Variants in ZKSCAN2 observed in about 807,000 individuals in gnomAD.
ZKSCAN2 encodes zinc finger with KRAB and SCAN domains 2.
ZKSCAN2 carries 38 observed loss-of-function variants against 90.5 expected under a neutral mutation model. That is an observed-to-expected ratio of 0.42 (90% confidence interval 0.32 to 0.55). The LOEUF is 0.55. ZKSCAN2 is among the 20% of genes least tolerant of loss of function. The pLI, the probability that ZKSCAN2 is intolerant of heterozygous loss-of-function variation, is 0.11. For missense variants in ZKSCAN2, 1,167 were observed against 1,202.6 expected, an observed-to-expected ratio of 0.97 and a Z score of 0.44; for synonymous variants, 429 against 421.6, an observed-to-expected ratio of 1.02 and a Z score of -0.22.
intron 4 of ZKSCAN2, among the ~76,000 whole-genome samples, chr16:25,249,305 T>G (rs1307303489): frequency 6.6e-6 from 1 of 152,194 alleles, no homozygotes; most frequent in Non-Finnish European, 1.5e-5. Context: ...GAGTAGATTT[T>G]CTTTTATTTT....
chr16:25,240,000 C>T lies in ZKSCAN2; in HGVS notation c.2720G>A (p.Arg907Lys). The change falls in exon 7 of 7, where the codon AGA becomes AAA. Residue 907 changes from arginine (R) to lysine (K), a missense_variant. By Grantham distance (26) the Arg-to-Lys change is conservative. Transcript: ENST00000328086. ...ATAGGGCTTCTCTCCAGTGTGTATTCTCCGATGTTCTCGAAATCTCGTACA... is the reference window on the plus strand; with the variant it reads ...ATAGGGCTTCTCTCCAGTGTGTATTTTCCGATGTTCTCGAAATCTCGTACA... ...NNCTRFREHR[R>K]IHTGEKPYGC... 6.2e-7 allele frequency: 1 copy of T among 1,614,002 alleles called. No homozygotes were observed.
At chr16:25,255,447 G>A (rs1441762306) in intron 1 of ZKSCAN2, 55 bp from the exon 2 acceptor site, 16 of 1,534,014 alleles carry the variant, frequency 1.0e-5, no homozygotes, top group East Asian at 9.2e-5. Flanking sequence ...ATATCAGGGC[G>A]AAATTCTCCC....
chr16:25,249,706 A>G (rs935706248), intron 4 of ZKSCAN2, among the ~76,000 whole-genome samples: 2 of 152,248 alleles, frequency 1.3e-5, no homozygotes, highest in African/African-American at 2.4e-5. Context: ...GACAAATGAT[A>G]ACAAGGTTGT....
At chr16:25,255,561 G>C (rs1963088500) in intron 1 of ZKSCAN2, among the ~76,000 whole-genome samples, 169 bp from the exon 2 acceptor site, 1 of 152,238 alleles carries the variant, frequency 6.6e-6, no homozygotes, top group South Asian at 2.1e-4. Flanking sequence ...CTGTCCAGCA[G>C]TCTGGGTGTA....
At chr16:25,250,935 T>C (rs2141367969) in intron 4 of ZKSCAN2, among the ~76,000 whole-genome samples, 1 of 152,270 alleles carries the variant, frequency 6.6e-6, no homozygotes, top group East Asian at 1.9e-4. Flanking sequence ...TTTGTATTTT[T>C]AGTACAGATG....
At chr16:25,250,071 G>A (rs1962997570) in intron 4 of ZKSCAN2, among the ~76,000 whole-genome samples, 1 of 152,210 alleles carries the variant, frequency 6.6e-6, no homozygotes, top group African/African-American at 2.4e-5. Flanking sequence ...AGCACTTTGG[G>A]AGGCCAAGGT....
rs1361781658 is a variant in ZKSCAN2, at chr16:25,238,413, A to G, written c.*1403T>C. ...ATGGAAAATCAAATCTCTGGGTTTC[A>G]TCTGTAACTTCAAAAGTCAATTAAC... On this transcript the variant is annotated 3_prime_UTR_variant, in exon 7 of 7. Coordinates refer to ENST00000328086, the MANE Select transcript of ZKSCAN2 (RefSeq NM_001012981.5). The G allele has an allele frequency of 1.3e-5, 2 of 152,236 alleles. No individual in the cohort carries two copies. The highest frequency in any genetic ancestry group is 4.8e-5 in the African/African-American group (2 of 41,444). 9.4% of individuals were successfully genotyped at this position (152,236 alleles called of 1,614,324 possible).
In ZKSCAN2 at chr16:25,247,323, A is replaced by T; in HGVS notation, c.873T>A (p.Gly291=). The T allele has an allele frequency of 6.2e-7, 1 of 1,613,784 alleles. No individual in the cohort carries two copies. The highest frequency in any genetic ancestry group is 8.5e-7 in the Non-Finnish European group (1 of 1,179,992). ...TACTTCTCTTGTTAGAGGAATGCAGACCTAGAGTCCATGGCTCCTTTCTCT... is the reference window on the plus strand; with the variant it reads ...TACTTCTCTTGTTAGAGGAATGCAGTCCTAGAGTCCATGGCTCCTTTCTCT... The part of the protein sequence containing the change: ...LEQRKEPWTL[G]LHSSNKRSIL... The change falls in exon 5 of 7, where the codon GGT becomes GGA. Residue 291 remains glycine (G), a synonymous_variant. Transcript: ENST00000328086.
At position 25,243,890 on chromosome 16, in the gene ZKSCAN2, G is replaced by A. The variant is rs370948693; in HGVS notation, c.1876C>T (p.Gln626Ter). Residue 626 changes from glutamine to a stop codon, truncating the protein, a stop_gained, in exon 6 of 7, where the codon CAG becomes TAG. Coordinates refer to ENST00000328086, the MANE Select transcript of ZKSCAN2 (RefSeq NM_001012981.5). LOFTEE classifies it high-confidence loss of function. ...PTGWEPEETS[Q>*]EAVIEDSCSE... is the part of the protein sequence containing the mutation. ...CAAGAGTCTTCTATTACTGCCTCCT[G>A]TGAGGTCTCTTCAGGTTCCCAGCCT... The A allele has an allele frequency of 5.6e-6, 9 of 1,613,906 alleles. No individual in the cohort carries two copies. Among genetic ancestry groups the A allele is most frequent in the African/African-American group, 5.3e-5 (4 of 74,830 alleles).
chr16:25,242,685 TA>T (rs1458744524), intron 6 of ZKSCAN2, among the ~76,000 whole-genome samples: 1 of 152,182 alleles, frequency 6.6e-6, no homozygotes, highest in African/African-American at 2.4e-5. Flanking sequence ...ATGTAGGAAA[TA>T]GCCAGTAGTT....
In ZKSCAN2 at chr16:25,257,581, T is replaced by A; in HGVS notation, c.-454A>T. The A allele has an allele frequency of 1.1e-6, 1 of 922,824 alleles. No homozygotes were observed. 57.2% of individuals were successfully genotyped at this position (922,824 alleles called of 1,614,324 possible). ...GTGCAGGCCCCGCCCGGCGCCAGGT[T>A]CCGGGCTCGGGTCACCGCAGCACGT... On this transcript the variant is annotated 5_prime_UTR_variant, in exon 1 of 7. Transcript: ENST00000328086.
chr16:25,257,581 T>G lies in ZKSCAN2; in HGVS notation c.-454A>C. The G allele has an allele frequency of 1.1e-6, 1 of 922,822 alleles. No homozygotes were observed. The highest frequency in any genetic ancestry group is 1.3e-6 in the Non-Finnish European group (1 of 772,820). 57.2% of individuals were successfully genotyped at this position (922,822 alleles called of 1,614,324 possible). On this transcript the variant is annotated 5_prime_UTR_variant, in exon 1 of 7. Transcript: ENST00000328086. Reference sequence around the variant, plus strand: ...GTGCAGGCCCCGCCCGGCGCCAGGTTCCGGGCTCGGGTCACCGCAGCACGT... The same window carrying G: ...GTGCAGGCCCCGCCCGGCGCCAGGTGCCGGGCTCGGGTCACCGCAGCACGT...
At chr16:25,249,159 A>T (rs1962981407) in intron 4 of ZKSCAN2, among the ~76,000 whole-genome samples, 1 of 152,220 alleles carries the variant, frequency 6.6e-6, no homozygotes, top group Non-Finnish European at 1.5e-5. Context: ...GGGAAAGTGG[A>T]GATTTGATCA....
At chr16:25,245,172 A>G (rs1306790494) in intron 5 of ZKSCAN2, among the ~76,000 whole-genome samples, 2 of 152,166 alleles carry the variant, frequency 1.3e-5, no homozygotes, top group Non-Finnish European at 2.9e-5. Context: ...TGGCACAATC[A>G]TGGCTCACTG....
intron 1 of ZKSCAN2, among the ~76,000 whole-genome samples, chr16:25,255,741 C>T (rs1338613325): frequency 6.6e-6 from 1 of 152,186 alleles, no homozygotes; most frequent in Admixed American, 6.5e-5. Context: ...ACCAACACAA[C>T]CGGCTAATTT....
intron 2 of ZKSCAN2, among the ~76,000 whole-genome samples, chr16:25,254,659 C>T (rs1963069352): frequency 6.6e-6 from 1 of 152,142 alleles, no homozygotes; most frequent in Non-Finnish European, 1.5e-5. Flanking sequence ...GAACTCCTGG[C>T]TTCAAGAGAT....
At chr16:25,255,064 C>T (rs2096649813) in intron 2 of ZKSCAN2, 142 bp downstream of exon 2, 3 of 806,186 alleles carry the variant, frequency 3.7e-6, no homozygotes, top group Admixed American at 7.8e-5. Flanking sequence ...GCACATGTTC[C>T]TAATTCTTGA....
At position 25,257,367 on chromosome 16, in the gene ZKSCAN2, C is replaced by G. The variant is rs951294849; in HGVS notation, c.-240G>C. 111 of 1,255,578 alleles carry G rather than the reference C, an allele frequency of 8.8e-5. No homozygotes were observed. Among genetic ancestry groups the G allele is most frequent in the Non-Finnish European group, 1.0e-4 (104 of 1,001,138 alleles). The allele number at this position is 1,255,578 out of a possible 1,614,324, so 77.8% of individuals were successfully genotyped here. On this transcript the variant is annotated 5_prime_UTR_variant, in exon 1 of 7. Transcript: ENST00000328086. The stretch of plus-strand genomic sequence containing the variant: ...CTTCTCCAAACAAGATGTGACCGCG[C>G]AATGTGGTTTTCCAGAGTGCATCCC...
intron 1 of ZKSCAN2, 126 bp downstream of exon 1, chr16:25,256,603 T>C (rs1326591841): frequency 2.2e-5 from 23 of 1,032,842 alleles, no homozygotes; most frequent in Non-Finnish European, 3.1e-5. Context: ...GACCCCCTTA[T>C]AGGGTCTTTT....
Sources: allele counts gnomAD v4.1 joint callset (sites outside exome capture counted in the v4.1 genomes callset), GRCh38; gene constraint gnomAD v4.1.1; transcripts MANE v1.5; gene names NCBI Gene and HGNC (gene_info 2026-07-23, HGNC 2026-07-21).